The following TUSC3 variants were observed in gnomAD, a reference collection of about 807,000 sequenced individuals.
TUSC3 encodes tumor suppressor candidate 3.
Under a neutral mutation model 44.8 loss-of-function variants are expected in TUSC3, and 45 were observed. The ratio of observed to expected loss-of-function variants is 1.00; its 90% CI spans 0.79 to 1.29. The LOEUF (loss-of-function observed/expected upper bound fraction) is 1.29, where lower values mean the gene tolerates loss of function less well. TUSC3 is among the 50% of genes most tolerant of loss of function. The probability of loss-of-function intolerance (pLI) is 0.00; values close to 1 mark genes in which losing one functional copy is unlikely to be tolerated. For synonymous variants in TUSC3, 212 were observed against 152.9 expected, an observed-to-expected ratio of 1.39 and a Z score of -2.85; for missense variants, 519 against 437.9, an observed-to-expected ratio of 1.19 and a Z score of -1.65.
intron 2 of TUSC3, among the ~76,000 whole-genome samples, chr8:15,630,309 T>C (rs1421467321): frequency 2.0e-5 from 3 of 152,246 alleles, no homozygotes; most frequent in Non-Finnish European, 4.4e-5. Context: ...AATTGATAAA[T>C]TACAAAATAC....
intron 2 of TUSC3, among the ~76,000 whole-genome samples, chr8:15,494,344 G>A (rs1040841436): frequency 5.0e-5 from 7 of 138,772 alleles, no homozygotes; most frequent in Non-Finnish European, 1.1e-4. Flanking sequence ...TTGAGACAGA[G>A]TCTCGCTCTG....
chr8:15,783,487 T>C, the TUSC3 span, among the ~76,000 whole-genome samples: 3 of 152,094 alleles, frequency 2.0e-5, no homozygotes, highest in Non-Finnish European at 4.4e-5. Flanking sequence ...TACAAAGCTA[T>C]GGTATTCAAA....
intron 1 of TUSC3, among the ~76,000 whole-genome samples, chr8:15,597,072 G>A (rs181860574): frequency 6.6e-6 from 1 of 152,246 alleles, no homozygotes; most frequent in East Asian, 1.9e-4. Flanking sequence ...AATGTCAGCA[G>A]GGGTGGTACA....
At chr8:15,523,041 C>T (rs1228757651) in intron 2 of TUSC3, among the ~76,000 whole-genome samples, 1 of 152,120 alleles carries the variant, frequency 6.6e-6, no homozygotes, top group African/African-American at 2.4e-5. Flanking sequence ...ACTATACCAG[C>T]TCCAGCACCT....
the TUSC3 span, among the ~76,000 whole-genome samples, chr8:15,773,316 A>C: frequency 2.0e-5 from 3 of 152,348 alleles, no homozygotes; most frequent in Middle Eastern, 3.4e-3. Context: ...GTATTTCTAT[A>C]TACTAGCAAT....
intron 2 of TUSC3, among the ~76,000 whole-genome samples, chr8:15,638,780 C>G (rs537835250): frequency 1.3e-5 from 2 of 152,178 alleles, no homozygotes; most frequent in African/African-American, 4.8e-5. Context: ...CCTGCCTTGG[C>G]CTCCCAAAGT....
the TUSC3 span, among the ~76,000 whole-genome samples, chr8:15,847,436 C>T: frequency 6.6e-6 from 1 of 152,058 alleles, no homozygotes; most frequent in Non-Finnish European, 1.5e-5. Context: ...GGTTTAAATC[C>T]ATTTAAATAG....
At chr8:15,823,742 G>A in the TUSC3 span, among the ~76,000 whole-genome samples, 1 of 152,158 alleles carries the variant, frequency 6.6e-6, no homozygotes. Flanking sequence ...AAATATCAGT[G>A]TTGAAATCAT....
chr8:15,744,820 T>C (rs1811336943), intron 8 of TUSC3, among the ~76,000 whole-genome samples: 1 of 152,112 alleles, frequency 6.6e-6, no homozygotes, highest in Admixed American at 6.6e-5. Context: ...TAATTTATTT[T>C]AGATTTGGGG....
the TUSC3 span, among the ~76,000 whole-genome samples, chr8:15,787,966 A>C: frequency 4.9e-4 from 75 of 152,280 alleles, 1 homozygote; most frequent in South Asian, 0.014. Flanking sequence ...AAATATTCCT[A>C]TTCTCTCTTA....
the TUSC3 span, among the ~76,000 whole-genome samples, chr8:15,799,507 G>C: frequency 6.6e-6 from 1 of 152,186 alleles, no homozygotes; most frequent in Non-Finnish European, 1.5e-5. Flanking sequence ...CTATTTGTTA[G>C]ATGTTTTGAA....
chr8:15,570,954 G>GTTTTTTTTTTTTTT lies in TUSC3; in HGVS notation c.138+30393_138+30406dup, dbSNP rs549277334. 5.3e-3 allele frequency among the ~76,000 whole-genome samples: 237 copies of GTTTTTTTTTTTTTT among 44,472 alleles called. 58 individuals are homozygous for GTTTTTTTTTTTTTT. In the Middle Eastern group the frequency reaches 0.069, roughly 13 times the overall value. The allele number at this position is 44,472 out of a possible 152,430, so 29.2% of individuals were successfully genotyped here. On this transcript the variant is annotated intron_variant, in intron 1 of 10. Transcript: ENST00000503731. The stretch of plus-strand genomic sequence containing the variant: ...TTGCTTTCTATTCCATTGCCTATTA[G>GTTTTTTTTTTTTTT]TTTTTTTTTTTTTTTTTTTTGAGAT...
intron 6 of TUSC3, chr8:15,689,129 TTC>T: frequency 2.5e-6 from 1 of 393,668 alleles, no homozygotes; most frequent in South Asian, 2.1e-5. Context: ...CACGCCATTC[TTC>T]TAGCTCATTT....
At chr8:15,814,876 C>T in the TUSC3 span, among the ~76,000 whole-genome samples, 1 of 152,116 alleles carries the variant, frequency 6.6e-6, no homozygotes, top group East Asian at 1.9e-4. Flanking sequence ...TGATTGCCTA[C>T]TGTATACTTC....
At chr8:15,425,336 T>A (rs1483420642) in intron 1 of TUSC3, among the ~76,000 whole-genome samples, 1 of 152,204 alleles carries the variant, frequency 6.6e-6, no homozygotes. Context: ...CCCTTAAGAA[T>A]GCTTTGGCAG....
chr8:15,718,711 A>G (rs1003235096), intron 6 of TUSC3, among the ~76,000 whole-genome samples: 2 of 152,128 alleles, frequency 1.3e-5, no homozygotes, highest in Non-Finnish European at 2.9e-5. Flanking sequence ...ACTTAGATAT[A>G]TAACTTATGT....
chr8:15,718,697 A>G (rs905641571), intron 6 of TUSC3, among the ~76,000 whole-genome samples: 2 of 152,156 alleles, frequency 1.3e-5, no homozygotes, highest in Admixed American at 1.3e-4. Context: ...TTTAATTTTC[A>G]TAAACTTAGA....
chr8:15,703,323 A>C (rs1188916588), intron 6 of TUSC3, among the ~76,000 whole-genome samples: 1 of 152,108 alleles, frequency 6.6e-6, no homozygotes, highest in Non-Finnish European at 1.5e-5. Context: ...CAGCTACTCT[A>C]TACTTTCAAT....
At chr8:15,690,586 C>G (rs933196737) in intron 6 of TUSC3, among the ~76,000 whole-genome samples, 1 of 152,088 alleles carries the variant, frequency 6.6e-6, no homozygotes, top group Non-Finnish European at 1.5e-5. Flanking sequence ...GATCCCATCT[C>G]CAGAATGGTA....
Sources: gnomAD v4.1 joint callset for allele counts (sites outside exome capture counted in the v4.1 genomes callset) on GRCh38, gnomAD v4.1.1 for gene constraint, MANE v1.5 for transcripts, NCBI Gene and HGNC (gene_info 2026-07-23, HGNC 2026-07-21) for gene names.